FAAH2: variants seen among roughly 807,000 people sequenced by gnomAD.
The protein encoded by FAAH2 is fatty-acid amide hydrolase 2.
FAAH2 carries 60 observed loss-of-function variants against 36.9 expected under a neutral mutation model. That is an observed-to-expected ratio of 1.63 (90% CI 1.32 to 2.02). The LOEUF is 2.02. Among genes scored for constraint, FAAH2 ranks in the 30% most tolerant of loss-of-function variants. FAAH2 has a pLI of 0.00. For missense variants in FAAH2, 689 were observed against 397.5 expected (o/e 1.73, Z -6.23); for synonymous variants, 214 against 143.8 (o/e 1.49, Z -3.49).
At chrX:57,328,311 T>C (rs1465641588) in intron 3 of FAAH2, among the ~76,000 whole-genome samples, 1 of 111,931 alleles carries the variant, frequency 8.9e-6, no homozygotes, top group African/African-American at 3.2e-5. Flanking sequence ...AGGCAGTCTG[T>C]CCATTCTCAG....
At chrX:57,182,843 A>G in the FAAH2 span, among the ~76,000 whole-genome samples, 1 of 112,027 alleles carries the variant, frequency 8.9e-6, no homozygotes, top group Non-Finnish European at 1.9e-5. Context: ...CATATACACC[A>G]TAGAATATTA....
chrX:57,307,604 C>G (rs1236865948), intron 2 of FAAH2, among the ~76,000 whole-genome samples: 2 of 111,152 alleles, frequency 1.8e-5, no homozygotes, highest in African/African-American at 6.5e-5. Flanking sequence ...AAAATACTTT[C>G]AACATATTGC....
intron 8 of FAAH2, among the ~76,000 whole-genome samples, chrX:57,437,186 T>C (rs2056427381): frequency 9.0e-6 from 1 of 111,491 alleles, no homozygotes; most frequent in African/African-American, 3.2e-5. Context: ...AATCTTTTTA[T>C]GATAAACAGT....
At chrX:57,249,741 T>A in the FAAH2 span, among the ~76,000 whole-genome samples, 1 of 112,113 alleles carries the variant, frequency 8.9e-6, no homozygotes, top group Non-Finnish European at 1.9e-5. Context: ...CTATGTTTGC[T>A]TGACTTTTGA....
In FAAH2 at chrX:57,320,574, G is replaced by C. The variant is rs1444612830; in HGVS notation, c.412+9845G>C. ...AAATGCTTTTACATTGTTGGTGGGA[G>C]TGTAAATTAGTTCAATCATTGTTGA... On this transcript the variant is annotated intron_variant, in intron 3 of 10. Coordinates refer to ENST00000374900, the MANE Select transcript of FAAH2 (RefSeq NM_174912.4). Among the ~76,000 whole-genome samples the C allele has an allele frequency of 2.7e-5, 3 of 112,381 alleles. No homozygotes were observed. The East Asian group carries it at 8.3e-4, about 31-fold the overall frequency.
chrX:57,242,323 G>C, the FAAH2 span, among the ~76,000 whole-genome samples: 3 of 112,553 alleles, frequency 2.7e-5, no homozygotes, highest in Non-Finnish European at 3.8e-5. Flanking sequence ...ACAGGGTCTG[G>C]AGTGGACCTC....
intron 2 of FAAH2, among the ~76,000 whole-genome samples, chrX:57,300,657 T>C (rs1157600976): frequency 9.0e-6 from 1 of 111,529 alleles, no homozygotes; most frequent in East Asian, 2.8e-4. Context: ...GAAACCACCA[T>C]CAGAGTGAAC....
At position 57,448,616 on chromosome X, in the gene FAAH2, G is replaced by T; in HGVS notation, c.1321G>T (p.Asp441Tyr). The T allele has an allele frequency of 2.5e-6, 3 of 1,211,305 alleles. No homozygotes were observed. Among genetic ancestry groups the T allele is most frequent in the Non-Finnish European group, 3.4e-6 (3 of 895,186 alleles). Reference protein sequence around the residue: ...VEESLRKELVDMLGDDGVFLY... With the variant: ...VEESLRKELVYMLGDDGVFLY... ...AGAAAGCCTGCGTAAAGAGCTGGTG[G>T]ATATGCTAGGTGATGATGGTGTGTT... Residue 441 changes from aspartate (D) to tyrosine (Y), a missense_variant, in exon 10 of 11, where the codon GAT becomes TAT. Transcript: ENST00000374900.
chrX:57,322,313 AT>A (rs1215866504), intron 3 of FAAH2, among the ~76,000 whole-genome samples: 1 of 112,005 alleles, frequency 8.9e-6, no homozygotes, highest in Non-Finnish European at 1.9e-5. Context: ...TTTAAAGAAT[AT>A]TTGATGTAGG....
chrX:57,313,786 C>T lies in FAAH2; in HGVS notation c.412+3057C>T, dbSNP rs538721338. On this transcript the variant is annotated intron_variant, in intron 3 of 10. Coordinates refer to ENST00000374900, the MANE Select transcript of FAAH2 (RefSeq NM_174912.4). ...AAACATGAGTTCAAAAGAATGACAC[C>T]GGCTGTCACAGAGACACTCAAGCTG... 8.1e-5 allele frequency among the ~76,000 whole-genome samples: 9 copies of T among 111,011 alleles called. No homozygotes were observed. The East Asian group carries it at 1.1e-3, about 14-fold the overall frequency.
intron 7 of FAAH2, among the ~76,000 whole-genome samples, chrX:57,409,625 A>G: frequency 9.0e-6 from 1 of 110,837 alleles, no homozygotes; most frequent in East Asian, 2.8e-4. Flanking sequence ...TGTAGTTTTT[A>G]TGGTGTAGGT....
At chrX:57,204,800 T>C in the FAAH2 span, among the ~76,000 whole-genome samples, 1 of 112,442 alleles carries the variant, frequency 8.9e-6, no homozygotes, top group Non-Finnish European at 1.9e-5. Flanking sequence ...TAGTCCTTTT[T>C]TCTCCCCTTT....
intron 10 of FAAH2, among the ~76,000 whole-genome samples, chrX:57,478,147 C>A (rs1229515135): frequency 8.9e-6 from 1 of 111,782 alleles, no homozygotes; most frequent in Non-Finnish European, 1.9e-5. Context: ...CTCTCCAGCA[C>A]CTGTTGTTTC....
chrX:57,190,074 G>T, the FAAH2 span, among the ~76,000 whole-genome samples: 1 of 111,533 alleles, frequency 9.0e-6, no homozygotes, highest in African/African-American at 3.3e-5. Context: ...GACTGGGGCT[G>T]GTGCCTTTCT....
the FAAH2 span, among the ~76,000 whole-genome samples, chrX:57,141,571 A>C: frequency 1.4e-4 from 16 of 111,051 alleles, no homozygotes; most frequent in East Asian, 4.3e-3. Context: ...TGGGCTTTTC[A>C]TTGATGGGAG....
the FAAH2 span, among the ~76,000 whole-genome samples, chrX:57,230,464 C>T: frequency 8.9e-6 from 1 of 111,813 alleles, no homozygotes; most frequent in Non-Finnish European, 1.9e-5. Flanking sequence ...CAGTCTTTAT[C>T]TCTTCAAATA....
the FAAH2 span, among the ~76,000 whole-genome samples, chrX:57,200,750 T>C: frequency 8.9e-6 from 1 of 111,942 alleles, no homozygotes; most frequent in Non-Finnish European, 1.9e-5. Context: ...AAAGTTGTAA[T>C]TATTTTTGAT....
At chrX:57,257,433 T>C in the FAAH2 span, among the ~76,000 whole-genome samples, 4 of 110,744 alleles carry the variant, frequency 3.6e-5, no homozygotes, top group Non-Finnish European at 7.6e-5. Flanking sequence ...CTCAGCAAAC[T>C]ATCACAAGAT....
chrX:57,317,499 C>A (rs777728875), intron 3 of FAAH2, among the ~76,000 whole-genome samples: 37 of 111,806 alleles, frequency 3.3e-4, no homozygotes, highest in Non-Finnish European at 6.2e-4. Context: ...AGTACGGGAG[C>A]ACCCAGATTC....
Sources: allele counts gnomAD v4.1 joint callset (sites outside exome capture counted in the v4.1 genomes callset), GRCh38; gene constraint gnomAD v4.1.1; transcripts MANE v1.5; gene names NCBI Gene and HGNC (gene_info 2026-07-23, HGNC 2026-07-21).